Variants in THEMIS observed in about 807,000 individuals in gnomAD.
THEMIS encodes the protein thymocyte selection associated, also known as protein THEMIS.
A neutral mutation model predicts 52.6 loss-of-function variants in THEMIS; 37 were observed. The observed-to-expected ratio is 0.70, with a 90% CI of 0.54 to 0.93. THEMIS has a LOEUF of 0.93. THEMIS is among the 40% of genes least tolerant of loss of function. The pLI, the probability that THEMIS is intolerant of heterozygous loss-of-function variation, is 0.00. For synonymous variants in THEMIS, 292 were observed against 272.7 expected, an observed-to-expected ratio of 1.07 and a Z score of -0.70; for missense variants, 808 against 763.1, an observed-to-expected ratio of 1.06 and a Z score of -0.69.
chr6:127,825,676 T>A (rs898575964), intron 3 of THEMIS, among the ~76,000 whole-genome samples: 1 of 152,162 alleles, frequency 6.6e-6, no homozygotes, highest in African/African-American at 2.4e-5. Context: ...GCAGCACCTA[T>A]GCAGTTGGTC....
intron 1 of THEMIS, among the ~76,000 whole-genome samples, chr6:127,873,330 C>T (rs1237361207): frequency 6.6e-6 from 1 of 152,058 alleles, no homozygotes; most frequent in Non-Finnish European, 1.5e-5. Flanking sequence ...ACTAGACACG[C>T]TAAAACAATT....
chr6:127,865,825 C>T (rs1779955123), intron 1 of THEMIS, among the ~76,000 whole-genome samples: 2 of 152,208 alleles, frequency 1.3e-5, no homozygotes, highest in East Asian at 1.9e-4. Flanking sequence ...TGTGTTTGAA[C>T]TGGATTTAAC....
At position 127,813,193 on chromosome 6, in the gene THEMIS, T is replaced by C. The variant is rs1336454358; in HGVS notation, c.1448A>G (p.Glu483Gly). The C allele has an allele frequency of 1.2e-6, 2 of 1,613,994 alleles. No homozygotes were observed. Among genetic ancestry groups the C allele is most frequent in the East Asian group, 2.2e-5 (1 of 44,878 alleles). Residue 483 changes from glutamate to glycine, a missense_variant, in exon 4 of 6, where the codon GAG becomes GGG. By Grantham distance (98) the Glu-to-Gly change is moderately conservative. Coordinates refer to ENST00000368248, the MANE Select transcript of THEMIS (RefSeq NM_001010923.3). ...GAGTAGGTAAGAGTCTGTAATGTCC[T>C]CCTCCAACTGCAGTCCTGGTGTGGC... is the stretch of plus-strand genomic sequence containing the variant. ...LAATPGLQLEEDITDSYLLIS... is the reference protein window; with the variant it reads ...LAATPGLQLEGDITDSYLLIS...
At chr6:127,820,075 T>C (rs1020655309) in intron 3 of THEMIS, among the ~76,000 whole-genome samples, 2 of 152,102 alleles carry the variant, frequency 1.3e-5, no homozygotes, top group African/African-American at 4.8e-5. Flanking sequence ...ACGTTATTTG[T>C]GCTATTTGAA....
chr6:127,845,080 C>T (rs1779171195), intron 2 of THEMIS, among the ~76,000 whole-genome samples: 1 of 150,960 alleles, frequency 6.6e-6, no homozygotes, highest in Admixed American at 6.6e-5. Context: ...CCAGTATATC[C>T]CCTGAAAGTG....
intron 4 of THEMIS, among the ~76,000 whole-genome samples, chr6:127,796,357 T>A (rs992205168): frequency 1.3e-5 from 2 of 152,226 alleles, no homozygotes; most frequent in Admixed American, 6.5e-5. Context: ...TTCAGCAAAT[T>A]TATGTTCACC....
chr6:127,880,569 A>AT (rs1438306873), intron 1 of THEMIS, among the ~76,000 whole-genome samples: 2 of 109,442 alleles, frequency 1.8e-5, no homozygotes, highest in Non-Finnish European at 3.8e-5. Context: ...CAAAAGACAA[A>AT]TTAAAAAAAA....
chr6:127,807,986 G>A (rs529757747), intron 4 of THEMIS, among the ~76,000 whole-genome samples: 3 of 152,080 alleles, frequency 2.0e-5, no homozygotes, highest in African/African-American at 7.2e-5. Flanking sequence ...TCTAATTCTG[G>A]TGCAGGATTT....
chr6:127,703,406 A>C (rs1773754810), downstream of THEMIS, among the ~76,000 whole-genome samples: 1 of 152,190 alleles, frequency 6.6e-6, no homozygotes. Flanking sequence ...AGTAAACCAA[A>C]CACTAAGTTT....
chr6:127,834,417 CAAAAA>C (rs34484234), intron 2 of THEMIS, among the ~76,000 whole-genome samples: 1 of 99,424 alleles, frequency 1.0e-5, no homozygotes, highest in Non-Finnish European at 2.0e-5. Context: ...ACTAAAAATA[CAAAAA>C]AAAAAAAAAA....
At chr6:127,700,988 A>C in the THEMIS span, among the ~76,000 whole-genome samples, 1 of 152,032 alleles carries the variant, frequency 6.6e-6, no homozygotes, top group Non-Finnish European at 1.5e-5. Flanking sequence ...ACTATTTTCA[A>C]ACTTGTGCTT....
upstream of THEMIS, among the ~76,000 whole-genome samples, chr6:127,902,170 T>TA (rs1226394577): frequency 6.6e-6 from 1 of 150,886 alleles, no homozygotes; most frequent in East Asian, 2.0e-4. Context: ...ACAAAAAAAT[T>TA]AAAAAATTAG....
intron 1 of THEMIS, among the ~76,000 whole-genome samples, chr6:127,882,560 T>C (rs1468457815): frequency 1.3e-5 from 2 of 151,958 alleles, no homozygotes; most frequent in Non-Finnish European, 1.5e-5. Flanking sequence ...ACGTAATGTT[T>C]GTCTTCAATG....
At chr6:127,828,297 C>G (rs897944759) in intron 3 of THEMIS, among the ~76,000 whole-genome samples, 6 of 152,138 alleles carry the variant, frequency 3.9e-5, no homozygotes, top group Non-Finnish European at 7.4e-5. Context: ...AAAGAAATCT[C>G]AATTACTCAT....
intron 1 of THEMIS, among the ~76,000 whole-genome samples, chr6:127,908,021 A>T (rs1048778996): frequency 3.9e-5 from 6 of 152,116 alleles, no homozygotes; most frequent in Non-Finnish European, 7.4e-5. Flanking sequence ...TCAAAATGCA[A>T]CATGCAAAAT....
intron 4 of THEMIS, among the ~76,000 whole-genome samples, chr6:127,725,367 G>C (rs148911082): frequency 6.6e-6 from 1 of 151,918 alleles, no homozygotes; most frequent in East Asian, 1.9e-4. Context: ...ATCAAATACA[G>C]GCTTGCTGGG....
intron 1 of THEMIS, chr6:127,909,882 T>C (rs1223898334): frequency 6.6e-6 from 1 of 152,162 alleles, no homozygotes; most frequent in Admixed American, 6.6e-5. Flanking sequence ...GGACATTTTG[T>C]TTCTCAAAAG....
At chr6:127,791,551 GCAGCCCTCCGGCAGGCTT>G (rs1302927376) in intron 4 of THEMIS, among the ~76,000 whole-genome samples, 1 of 152,150 alleles carries the variant, frequency 6.6e-6, no homozygotes, top group Non-Finnish European at 1.5e-5. Flanking sequence ...TCACTCCATG[GCAGCCCTCCGGCAGGCTT>G]CAGGCCGTCC....
At chr6:127,810,917 A>G (rs1777883592) in intron 4 of THEMIS, among the ~76,000 whole-genome samples, 1 of 152,082 alleles carries the variant, frequency 6.6e-6, no homozygotes, top group Non-Finnish European at 1.5e-5. Context: ...GAAAGCCAAT[A>G]TGTAATGAAA....
Sources: gnomAD v4.1 joint callset for allele counts (sites outside exome capture counted in the v4.1 genomes callset) on GRCh38, gnomAD v4.1.1 for gene constraint, MANE v1.5 for transcripts, NCBI Gene and HGNC (gene_info 2026-07-23, HGNC 2026-07-21) for gene names.